Variants in PTPRD observed in about 807,000 individuals in gnomAD.
The protein encoded by PTPRD is receptor-type tyrosine-protein phosphatase delta.
Under a neutral mutation model 214.5 loss-of-function variants are expected in PTPRD, and 34 were observed. The ratio of observed to expected loss-of-function variants is 0.16; its 90% CI spans 0.12 to 0.21. The LOEUF is 0.21. PTPRD is among the 10% of genes least tolerant of loss of function. The probability of loss-of-function intolerance (pLI) is 1.00; values close to 1 mark genes in which losing one functional copy is unlikely to be tolerated. For missense variants in PTPRD, 2,545 were observed against 2,398.7 expected (o/e 1.06, Z -1.27); for synonymous variants, 1,128 against 845.7 (o/e 1.33, Z -5.79).
At chr9:9,642,633 G>A (rs150489089) in intron 7 of PTPRD, among the ~76,000 whole-genome samples, 18 of 152,124 alleles carry the variant, frequency 1.2e-4, no homozygotes, top group African/African-American at 3.6e-4. Flanking sequence ...AATAGCAGCC[G>A]GACCCACACT....
intron 42 of PTPRD, among the ~76,000 whole-genome samples, chr9:8,339,845 CAAA>C (rs1564082149): frequency 6.9e-6 from 1 of 144,438 alleles, no homozygotes; most frequent in African/African-American, 2.8e-5. Flanking sequence ...CAAAAAAAAA[CAAA>C]CCACTTTTTT....
Position 8,499,844 on chromosome 9 carries a change from G to T in PTPRD, c.2129-4C>A, listed in dbSNP as rs951472668. ...TTGCGAGGAGGACCACTAGGAACTG[G>T]AACAACATCATTGGATAAAAGAAAT... On this transcript the variant is annotated splice_region_variant and splice_polypyrimidine_tract_variant and intron_variant, in intron 24 of 45. Transcript: ENST00000381196. The T allele has an allele frequency of 5.0e-6, 8 of 1,601,384 alleles. No individual in the cohort carries two copies. The highest frequency in any genetic ancestry group is 6.0e-6 in the Non-Finnish European group (7 of 1,174,384).
chr9:9,343,132 C>G (rs112686641), intron 9 of PTPRD, among the ~76,000 whole-genome samples: 1 of 152,106 alleles, frequency 6.6e-6, no homozygotes, highest in Non-Finnish European at 1.5e-5. Flanking sequence ...CAGTCTATCA[C>G]TGATAGGCAT....
At chr9:8,661,227 T>C (rs1357975490) in intron 12 of PTPRD, among the ~76,000 whole-genome samples, 3 of 152,188 alleles carry the variant, frequency 2.0e-5, no homozygotes, top group South Asian at 4.2e-4. Flanking sequence ...CAAACCTTAT[T>C]ATAATGGTCA....
chr9:10,091,655 C>T (rs189812271), intron 3 of PTPRD, among the ~76,000 whole-genome samples: 60 of 151,534 alleles, frequency 4.0e-4, no homozygotes, highest in African/African-American at 1.4e-3. Flanking sequence ...CCAAATAATA[C>T]ATTTTTAGAA....
chr9:9,104,951 G>A (rs1048217738), intron 10 of PTPRD, among the ~76,000 whole-genome samples: 4 of 152,158 alleles, frequency 2.6e-5, no homozygotes, highest in Admixed American at 6.5e-5. Flanking sequence ...AAAAGAGAAC[G>A]GATGCTGTGC....
At chr9:8,934,520 AATATAT>A (rs60438547) in intron 11 of PTPRD, among the ~76,000 whole-genome samples, 1 of 17,076 alleles carries the variant, frequency 5.9e-5, no homozygotes, top group Non-Finnish European at 1.1e-4. Flanking sequence ...TATATATATA[AATATAT>A]ATATATATGG....
intron 11 of PTPRD, among the ~76,000 whole-genome samples, chr9:8,822,556 G>A (rs2097092188): frequency 6.6e-6 from 1 of 152,102 alleles, no homozygotes; most frequent in South Asian, 2.1e-4. Flanking sequence ...CGCTACCACA[G>A]GAGAAGGGAT....
chr9:10,502,120 T>A (rs1382726953), intron 2 of PTPRD, among the ~76,000 whole-genome samples: 1 of 151,822 alleles, frequency 6.6e-6, no homozygotes, highest in African/African-American at 2.4e-5. Context: ...AACAAACATT[T>A]CATGGTGAGA....
intron 10 of PTPRD, among the ~76,000 whole-genome samples, chr9:9,170,738 T>A (rs2130940363): frequency 6.6e-6 from 1 of 152,332 alleles, no homozygotes; most frequent in African/African-American, 2.4e-5. Flanking sequence ...AATTAATATG[T>A]GCTTATTGAT....
At chr9:10,569,485 G>A (rs1005968543) in intron 2 of PTPRD, among the ~76,000 whole-genome samples, 1 of 150,964 alleles carries the variant, frequency 6.6e-6, no homozygotes, top group African/African-American at 2.4e-5. Context: ...AATTCATCCT[G>A]TATACTTGTG....
intron 11 of PTPRD, among the ~76,000 whole-genome samples, chr9:8,998,488 C>T (rs1291745517): frequency 1.3e-5 from 2 of 151,944 alleles, no homozygotes; most frequent in African/African-American, 2.4e-5. Context: ...AGACCTACTG[C>T]TTAGAAAAGA....
At chr9:9,921,229 C>T (rs1316675764) in intron 5 of PTPRD, among the ~76,000 whole-genome samples, 1 of 152,030 alleles carries the variant, frequency 6.6e-6, no homozygotes, top group East Asian at 1.9e-4. Flanking sequence ...GCTTTCAACT[C>T]TCATTTTATA....
intron 3 of PTPRD, among the ~76,000 whole-genome samples, chr9:10,230,798 C>T (rs765128343): frequency 2.3e-4 from 35 of 152,044 alleles, no homozygotes; most frequent in Non-Finnish European, 4.9e-4. Context: ...ACCATTGTTA[C>T]TTATATGCAT....
At chr9:10,104,444 G>C (rs2098603877) in intron 3 of PTPRD, among the ~76,000 whole-genome samples, 1 of 151,406 alleles carries the variant, frequency 6.6e-6, no homozygotes, top group South Asian at 2.1e-4. Context: ...CATAATGCAG[G>C]TCTATAATAA....
At position 9,019,330 on chromosome 9, in the gene PTPRD, AAGAAAGAACGAAAGAAAG is replaced by A. The variant is rs1183887763; in HGVS notation, c.-142-613_-142-596del. ...AAAGAAAGAAAGAAAGAAAGAAAGA[AAGAAAGAACGAAAGAAAG>A]AAAGAAAGAAAGAATCTGAATTTTA... is the stretch of plus-strand genomic sequence containing the variant. On this transcript the variant is annotated intron_variant, in intron 10 of 45. Coordinates refer to ENST00000381196, the MANE Select transcript of PTPRD (RefSeq NM_002839.4). Among the ~76,000 whole-genome samples the A allele has an allele frequency of 8.5e-4, 31 of 36,346 alleles. No homozygotes were observed. In the South Asian group the frequency reaches 0.027, roughly 32 times the overall value. The allele number at this position is 36,346 out of a possible 152,430, so 23.8% of individuals were successfully genotyped here.
chr9:8,842,679 C>G (rs949737085), intron 11 of PTPRD, among the ~76,000 whole-genome samples: 9 of 152,158 alleles, frequency 5.9e-5, no homozygotes, highest in African/African-American at 2.2e-4. Flanking sequence ...TCATCTGGCC[C>G]TAGATTTCTT....
intron 5 of PTPRD, among the ~76,000 whole-genome samples, chr9:9,860,374 A>G (rs978778400): frequency 1.3e-5 from 2 of 152,256 alleles, no homozygotes; most frequent in African/African-American, 4.8e-5. Flanking sequence ...TCTTGAAGAA[A>G]TGTTTGGTTG....
intron 12 of PTPRD, among the ~76,000 whole-genome samples, chr9:8,721,015 C>G (rs1370547453): frequency 6.6e-6 from 1 of 150,954 alleles, no homozygotes; most frequent in East Asian, 1.9e-4. Flanking sequence ...TTGCTCTAGG[C>G]AGGTCATCTA....
Sources: gnomAD v4.1 joint callset for allele counts (sites outside exome capture counted in the v4.1 genomes callset) on GRCh38, gnomAD v4.1.1 for gene constraint, MANE v1.5 for transcripts, NCBI Gene and HGNC (gene_info 2026-07-23, HGNC 2026-07-21) for gene names.